TTC7B: variants seen among roughly 807,000 people sequenced by gnomAD.
TTC7B encodes the protein tetratricopeptide repeat domain 7B.
A neutral mutation model predicts 106.8 loss-of-function variants in TTC7B; 28 were observed. The observed-to-expected ratio is 0.26, with a 90% confidence interval of 0.19 to 0.36. The LOEUF (loss-of-function observed/expected upper bound fraction) is 0.36. Among genes scored for constraint, TTC7B ranks in the 10% least tolerant of loss-of-function variants. TTC7B has a pLI of 1.00. For synonymous variants in TTC7B, 405 were observed against 430.6 expected, an observed-to-expected ratio of 0.94 and a Z score of 0.74; for missense variants, 862 against 1,076.4, an observed-to-expected ratio of 0.80 and a Z score of 2.79.
chr14:90,722,913 T>C (rs1888952379), intron 5 of TTC7B, among the ~76,000 whole-genome samples: 1 of 152,236 alleles, frequency 6.6e-6, no homozygotes, highest in African/African-American at 2.4e-5. Flanking sequence ...CTTGCAGGTC[T>C]TCAGGCCAAG....
intron 1 of TTC7B, among the ~76,000 whole-genome samples, chr14:90,803,013 C>T (rs2030371894): frequency 6.6e-6 from 1 of 151,474 alleles, no homozygotes; most frequent in South Asian, 2.1e-4. Context: ...TGTGGTGGCA[C>T]ACACCTGTAA....
chr14:90,732,855 A>G (rs1889377820), intron 4 of TTC7B, among the ~76,000 whole-genome samples: 1 of 152,224 alleles, frequency 6.6e-6, no homozygotes, highest in South Asian at 2.1e-4. Context: ...CATCTCTCAG[A>G]TATCAGCTTG....
rs545013361 is a variant in TTC7B at position 90,808,980 on chromosome 14, A to G, written c.121+7195T>C. On this transcript the variant is annotated intron_variant, in intron 1 of 19. Coordinates refer to ENST00000328459, the MANE Select transcript of TTC7B (RefSeq NM_001010854.2). The surrounding 1 kb of genome is among the most constrained non-coding windows in gnomAD (Gnocchi z 4.2). ...GCAGCCAGTAACGACCAAACGCCTG[A>G]CTCAGTGTGGCTTCAACAAGAAGGA... is the stretch of plus-strand genomic sequence containing the variant. Among the ~76,000 whole-genome samples, 299 of 152,302 alleles carry G rather than the reference A, an allele frequency of 2.0e-3. 1 individual carries two copies. The highest frequency in any genetic ancestry group is 3.4e-3 in the Middle Eastern group (1 of 294).
At chr14:90,589,798 C>T (rs936181725) in intron 18 of TTC7B, among the ~76,000 whole-genome samples, 4 of 152,188 alleles carry the variant, frequency 2.6e-5, no homozygotes, top group African/African-American at 9.7e-5. Context: ...CAAGCAAAAT[C>T]GTTGCTTTGA....
At chr14:90,694,881 CAT>C (rs1887640817) in intron 6 of TTC7B, among the ~76,000 whole-genome samples, 1 of 58,764 alleles carries the variant, frequency 1.7e-5, no homozygotes, top group Non-Finnish European at 3.7e-5. Context: ...ATATATGTCA[CAT>C]ATATTTATAA....
At chr14:90,611,892 G>A (rs1190825364) in intron 16 of TTC7B, among the ~76,000 whole-genome samples, 1 of 152,166 alleles carries the variant, frequency 6.6e-6, no homozygotes, top group Non-Finnish European at 1.5e-5. Flanking sequence ...TCTGTCTCTT[G>A]AGGTTTGAAT....
chr14:90,655,401 C>T (rs1432545674), intron 11 of TTC7B, among the ~76,000 whole-genome samples: 1 of 152,104 alleles, frequency 6.6e-6, no homozygotes. Context: ...TTATTTTTTA[C>T]TGACTGGTTC....
At chr14:90,758,547 C>G (rs1009645393) in intron 3 of TTC7B, among the ~76,000 whole-genome samples, 1 of 152,182 alleles carries the variant, frequency 6.6e-6, no homozygotes, top group Non-Finnish European at 1.5e-5. Context: ...GCAACTGTGG[C>G]GCGCGACTGC....
intron 18 of TTC7B, among the ~76,000 whole-genome samples, chr14:90,581,215 T>C (rs1891474881): frequency 6.6e-6 from 1 of 152,112 alleles, no homozygotes; most frequent in South Asian, 2.1e-4. Flanking sequence ...CTCGAGCAAT[T>C]CCAGCACCAT....
chr14:90,568,998 C>A (rs1393152898), intron 19 of TTC7B, among the ~76,000 whole-genome samples: 1 of 152,220 alleles, frequency 6.6e-6, no homozygotes, highest in Non-Finnish European at 1.5e-5. Flanking sequence ...AGTACCTCCC[C>A]CCACTCAATC....
chr14:90,686,330 C>G (rs1887250240), intron 7 of TTC7B, among the ~76,000 whole-genome samples: 1 of 152,088 alleles, frequency 6.6e-6, no homozygotes. Flanking sequence ...TTTACTTAAC[C>G]TGATGAAGGG....
intron 5 of TTC7B, among the ~76,000 whole-genome samples, chr14:90,720,844 C>T (rs528561607): frequency 6.6e-6 from 1 of 152,310 alleles, no homozygotes; most frequent in Admixed American, 6.5e-5. Context: ...TTTTTCTTCT[C>T]CTGCTGGACT....
chr14:90,757,125 C>A lies in TTC7B; in HGVS notation c.446-12203G>T, dbSNP rs942361812. 2.0e-5 allele frequency among the ~76,000 whole-genome samples: 3 copies of A among 152,066 alleles called. No individual in the cohort carries two copies. The highest frequency in any genetic ancestry group is 4.4e-5 in the Non-Finnish European group (3 of 68,000). ...ATCTCCACCAGGCATGGCCCCACAGCGCCCCCTCACAACCCCTACTACCAC... is the reference window on the plus strand; with the variant it reads ...ATCTCCACCAGGCATGGCCCCACAGAGCCCCCTCACAACCCCTACTACCAC... On this transcript the variant is annotated intron_variant, in intron 3 of 19. Transcript: ENST00000328459. The surrounding 1 kb of genome is among the most constrained non-coding windows in gnomAD (Gnocchi z 4.1).
chr14:90,758,900 G>A (rs1421527395), intron 3 of TTC7B, among the ~76,000 whole-genome samples: 4 of 152,202 alleles, frequency 2.6e-5, no homozygotes, highest in African/African-American at 9.6e-5. Flanking sequence ...GATAAAGGGA[G>A]GTAAGGGACA....
At position 90,570,521 on chromosome 14, in the gene TTC7B, C is replaced by G. The variant is rs1237007368; in HGVS notation, c.2310+7585G>C. 6.6e-6 allele frequency among the ~76,000 whole-genome samples: 1 copy of G among 152,192 alleles called. No homozygotes were observed. The highest frequency in any genetic ancestry group is 2.4e-5 in the African/African-American group (1 of 41,440). On this transcript the variant is annotated intron_variant, in intron 19 of 19. Transcript: ENST00000328459. This position sits in a 1 kb window ranked among gnomAD's most constrained non-coding sequence, Gnocchi z 4.0. ...ACCCTTTTCCACCTCAAAACCAGGGCCCTGGCTCTGCAGAAACAGGCAGCA... is the reference window on the plus strand; with the variant it reads ...ACCCTTTTCCACCTCAAAACCAGGGGCCTGGCTCTGCAGAAACAGGCAGCA...
At chr14:90,712,520 G>A (rs1414947070) in intron 5 of TTC7B, among the ~76,000 whole-genome samples, 1 of 152,076 alleles carries the variant, frequency 6.6e-6, no homozygotes, top group African/African-American at 2.4e-5. Context: ...AATTAAGAAA[G>A]CAATTCACAA....
chr14:90,771,556 C>T (rs1397303980), intron 3 of TTC7B, among the ~76,000 whole-genome samples: 2 of 151,980 alleles, frequency 1.3e-5, no homozygotes, highest in East Asian at 1.9e-4. Context: ...GCTGAGATTG[C>T]GCCACTGCAC....
At chr14:90,618,591 G>A (rs140746849) in intron 15 of TTC7B, among the ~76,000 whole-genome samples, 113 of 152,306 alleles carry the variant, frequency 7.4e-4, no homozygotes, top group Admixed American at 1.4e-3. Flanking sequence ...CCTAGGGCTC[G>A]TTCCGCAATC....
intron 9 of TTC7B, among the ~76,000 whole-genome samples, chr14:90,659,246 T>C (rs956405565): frequency 1.3e-4 from 18 of 139,846 alleles, no homozygotes; most frequent in Non-Finnish European, 6.1e-5. Context: ...AGAGAGAGTG[T>C]GTGGAGTGTG....
Sources: allele counts gnomAD v4.1 joint callset (sites outside exome capture counted in the v4.1 genomes callset), GRCh38; gene constraint gnomAD v4.1.1; non-coding constraint Gnocchi (gnomAD v3.1); transcripts MANE v1.5; gene names NCBI Gene and HGNC (gene_info 2026-07-23, HGNC 2026-07-21).